HIVEP1: variants seen among roughly 807,000 people sequenced by gnomAD.
The protein encoded by HIVEP1 is HIVEP zinc finger 1.
In HIVEP1, 36 loss-of-function variants were observed where a neutral mutation model predicts 180.0. The observed-to-expected ratio is 0.20, with a 90% CI of 0.15 to 0.26. HIVEP1 has a LOEUF of 0.26. Ranked by LOEUF, HIVEP1 falls within the 10% of genes least tolerant of loss-of-function variation. The probability of loss-of-function intolerance (pLI) is 1.00; values close to 1 mark genes in which losing one functional copy is unlikely to be tolerated. For missense variants in HIVEP1, 3,143 were observed against 3,268.7 expected (o/e 0.96, Z 0.94); for synonymous variants, 1,239 against 1,239.0 (o/e 1.00, Z 0.00).
chr6:12,011,664 G>A (rs1422874540), upstream of HIVEP1, among the ~76,000 whole-genome samples: 1 of 148,926 alleles, frequency 6.7e-6, no homozygotes, highest in African/African-American at 2.4e-5. Flanking sequence ...GCGAAGCGGC[G>A]GGTAGGTGGC....
the HIVEP1 span, among the ~76,000 whole-genome samples, chr6:12,177,168 T>C: frequency 6.6e-6 from 1 of 151,406 alleles, no homozygotes; most frequent in Non-Finnish European, 1.5e-5. Context: ...TACTTGAGGG[T>C]GGAGGGTGGG....
At chr6:12,182,364 T>A in the HIVEP1 span, among the ~76,000 whole-genome samples, 1 of 152,212 alleles carries the variant, frequency 6.6e-6, no homozygotes, top group Non-Finnish European at 1.5e-5. Context: ...CAGAAATTGC[T>A]TCTTCCTGTC....
downstream of HIVEP1, among the ~76,000 whole-genome samples, chr6:12,168,176 TTA>T (rs368793823): frequency 2.0e-3 from 127 of 62,322 alleles, 9 homozygotes; most frequent in East Asian, 7.2e-3. Context: ...TATATCTATA[TTA>T]TATATAGATA....
chr6:12,168,312 T>TTATATACATATATACA (rs1554161599), downstream of HIVEP1, among the ~76,000 whole-genome samples: 2 of 12,210 alleles, frequency 1.6e-4, no homozygotes, highest in African/African-American at 3.7e-4. Flanking sequence ...TATACATATA[T>TTATATACATATATACA]TATATACATA....
intron 2 of HIVEP1, among the ~76,000 whole-genome samples, chr6:12,035,605 T>A (rs1307154075): frequency 1.3e-5 from 2 of 152,240 alleles, no homozygotes; most frequent in African/African-American, 4.8e-5. Flanking sequence ...TTTTTTAACA[T>A]TTAATCGTTT....
the HIVEP1 span, among the ~76,000 whole-genome samples, chr6:12,172,346 G>A: frequency 1.3e-5 from 2 of 151,976 alleles, no homozygotes; most frequent in Admixed American, 1.3e-4. Flanking sequence ...ATTGTTACTG[G>A]GGACTGCATG....
At chr6:12,143,131 C>A (rs2113619511) in intron 7 of HIVEP1, among the ~76,000 whole-genome samples, 1 of 152,264 alleles carries the variant, frequency 6.6e-6, no homozygotes, top group East Asian at 1.9e-4. Context: ...ATGTGAAAAT[C>A]CTCAATAAAA....
At chr6:12,016,268 T>A (rs1767738575) in intron 2 of HIVEP1, among the ~76,000 whole-genome samples, 2 of 152,210 alleles carry the variant, frequency 1.3e-5, no homozygotes, top group South Asian at 4.1e-4. Flanking sequence ...ATACTTTTAA[T>A]AGTAGAAAAG....
chr6:12,167,545 A>G (rs546135523), downstream of HIVEP1, among the ~76,000 whole-genome samples: 12 of 41,988 alleles, frequency 2.9e-4, no homozygotes, highest in East Asian at 5.0e-3. Flanking sequence ...TTGTATATAT[A>G]TAATATATGT....
chr6:12,159,894 A>G (rs1760294726), intron 7 of HIVEP1, among the ~76,000 whole-genome samples: 1 of 152,204 alleles, frequency 6.6e-6, no homozygotes, highest in South Asian at 2.1e-4. Flanking sequence ...TCCCCTAGAA[A>G]TAATCACCCT....
At chr6:12,010,004 CA>C (rs1312282412), upstream of HIVEP1, among the ~76,000 whole-genome samples, 1 of 152,216 alleles carries the variant, frequency 6.6e-6, no homozygotes, top group Admixed American at 6.5e-5. Context: ...CAAAGTGATA[CA>C]AACTTCACTC....
the HIVEP1 span, among the ~76,000 whole-genome samples, chr6:12,198,849 G>A: frequency 1.3e-5 from 2 of 152,172 alleles, no homozygotes; most frequent in East Asian, 1.9e-4. Flanking sequence ...ATACCTTCAC[G>A]GAAGTATCTA....
intron 7 of HIVEP1, among the ~76,000 whole-genome samples, chr6:12,146,233 G>A (rs546139535): frequency 3.1e-4 from 47 of 152,050 alleles, no homozygotes; most frequent in Non-Finnish European, 6.0e-4. Flanking sequence ...ATCTGAGGTC[G>A]GGAGTTCAAG....
chr6:12,148,164 G>C (rs776106023), intron 7 of HIVEP1, among the ~76,000 whole-genome samples: 1 of 152,212 alleles, frequency 6.6e-6, no homozygotes, highest in Non-Finnish European at 1.5e-5. Context: ...TGATGAAGGA[G>C]AATAAAATGT....
At chr6:12,191,491 G>T in the HIVEP1 span, among the ~76,000 whole-genome samples, 1 of 152,196 alleles carries the variant, frequency 6.6e-6, no homozygotes, top group Admixed American at 6.5e-5. Context: ...CTACTCAGGA[G>T]GCTGAGGTGG....
chr6:12,045,999 A>G (rs937051990), intron 2 of HIVEP1, among the ~76,000 whole-genome samples: 2 of 152,232 alleles, frequency 1.3e-5, no homozygotes, highest in Non-Finnish European at 2.9e-5. Context: ...TCTGAAAAGA[A>G]TGTTAAGTAT....
At chr6:12,088,703 A>C (rs1773262787) in intron 2 of HIVEP1, among the ~76,000 whole-genome samples, 1 of 152,086 alleles carries the variant, frequency 6.6e-6, no homozygotes, top group Non-Finnish European at 1.5e-5. Flanking sequence ...CCAGCAAGGG[A>C]TATAGACACT....
intron 3 of HIVEP1, among the ~76,000 whole-genome samples, chr6:12,098,341 AATCTT>A (rs1196648522): frequency 6.6e-6 from 1 of 152,220 alleles, no homozygotes; most frequent in Non-Finnish European, 1.5e-5. Flanking sequence ...CAAAGAAATG[AATCTT>A]ATCCTAGAGG....
chr6:12,206,853 C>G, the HIVEP1 span, among the ~76,000 whole-genome samples: 1 of 151,604 alleles, frequency 6.6e-6, no homozygotes. Context: ...TTGTCCAAAC[C>G]CTTTGCCCCA....
Sources: allele counts gnomAD v4.1 joint callset (sites outside exome capture counted in the v4.1 genomes callset), GRCh38; gene constraint gnomAD v4.1.1; transcripts MANE v1.5; gene names NCBI Gene and HGNC (gene_info 2026-07-23, HGNC 2026-07-21).